The following DTD1 variants were observed in gnomAD, a reference collection of about 807,000 sequenced individuals.
DTD1 encodes D-aminoacyl-tRNA deacylase 1, also known as D-tyrosyl-tRNA deacylase 1 homolog.
Under a neutral mutation model 25.6 loss-of-function variants are expected in DTD1, and 13 were observed. The observed-to-expected ratio is 0.51, with a 90% CI of 0.33 to 0.81. The LOEUF is 0.81. DTD1 is among the 30% of genes least tolerant of loss of function. DTD1 has a pLI of 0.02. For missense variants in DTD1, 193 were observed against 266.4 expected (o/e 0.72, Z 1.92); for synonymous variants, 110 against 103.6 (o/e 1.06, Z -0.37).
At chr20:18,702,629 G>A (rs566685747) in intron 4 of DTD1, among the ~76,000 whole-genome samples, 1 of 151,942 alleles carries the variant, frequency 6.6e-6, no homozygotes, top group Admixed American at 6.6e-5. Flanking sequence ...TGATGTCTCT[G>A]TGTCAGCACC....
At chr20:18,622,662 A>G (rs1024589802) in intron 3 of DTD1, among the ~76,000 whole-genome samples, 1 of 152,200 alleles carries the variant, frequency 6.6e-6, no homozygotes, top group African/African-American at 2.4e-5. Context: ...AAATTTGTCT[A>G]TGCTTTAAAA....
At position 18,662,017 on chromosome 20, in the gene DTD1, T is replaced by C. The variant is rs538433459; in HGVS notation, c.477+33784T>C. Among the ~76,000 whole-genome samples, 58 of 152,144 alleles carry C rather than the reference T, an allele frequency of 3.8e-4. 2 individuals are homozygous for C. The South Asian group carries it at 0.011, about 30-fold the overall frequency. On this transcript the variant is annotated intron_variant, in intron 4 of 5. Coordinates refer to ENST00000377452, the MANE Select transcript of DTD1 (RefSeq NM_080820.6). ...ACATATAAAAATTAGCCAGGCATGG[T>C]GGTACAAGTCTGTAGTCCTAGCTAC...
chr20:18,742,365 C>T (rs954682141), intron 4 of DTD1, among the ~76,000 whole-genome samples: 3 of 152,130 alleles, frequency 2.0e-5, no homozygotes, highest in African/African-American at 4.8e-5. Flanking sequence ...AAGAATAAGC[C>T]AGGGGTCCTC....
intron 4 of DTD1, chr20:18,643,253 C>A: frequency 3.1e-6 from 1 of 327,784 alleles, no homozygotes; most frequent in South Asian, 2.6e-5. Context: ...TCTCTGGAAT[C>A]AATCCCAGGG....
At chr20:18,717,692 C>T (rs1172299261) in intron 4 of DTD1, among the ~76,000 whole-genome samples, 1 of 152,178 alleles carries the variant, frequency 6.6e-6, no homozygotes, top group Non-Finnish European at 1.5e-5. Flanking sequence ...GGTTCATCTT[C>T]TGTAATGGAA....
intron 4 of DTD1, among the ~76,000 whole-genome samples, chr20:18,708,207 T>TACATATATA (rs1371286340): frequency 1.5e-4 from 1 of 6,886 alleles, no homozygotes; most frequent in East Asian, 2.9e-3. Flanking sequence ...ATATATATAT[T>TACATATATA]TTATATATAT....
intron 5 of DTD1, among the ~76,000 whole-genome samples, chr20:18,759,832 T>C (rs1325625283): frequency 6.6e-6 from 1 of 152,234 alleles, no homozygotes; most frequent in African/African-American, 2.4e-5. Context: ...CAGCATGTTT[T>C]CCAACTTGGT....
At chr20:18,756,769 A>G (rs934089360) in intron 5 of DTD1, among the ~76,000 whole-genome samples, 2 of 151,922 alleles carry the variant, frequency 1.3e-5, no homozygotes, top group African/African-American at 4.8e-5. Context: ...TTTTGGTTCC[A>G]TATGAACTTT....
chr20:18,689,631 A>C (rs930420903), intron 4 of DTD1, among the ~76,000 whole-genome samples: 2 of 152,160 alleles, frequency 1.3e-5, no homozygotes, highest in African/African-American at 4.8e-5. Flanking sequence ...TTAAAATTAC[A>C]GTGCATGTGG....
At chr20:18,632,022 AG>A in intron 4 of DTD1, 1 of 842,528 alleles carries the variant, frequency 1.2e-6, no homozygotes, top group Non-Finnish European at 1.4e-6. Flanking sequence ...GAGTAGATTT[AG>A]GAATTCTCAG....
At chr20:18,665,441 A>C (rs1396963591) in intron 4 of DTD1, among the ~76,000 whole-genome samples, 1 of 152,182 alleles carries the variant, frequency 6.6e-6, no homozygotes, top group Non-Finnish European at 1.5e-5. Context: ...CCAGCCGTGG[A>C]GTCAGACCTG....
chr20:18,655,678 C>T (rs1045282467), intron 4 of DTD1, among the ~76,000 whole-genome samples: 4 of 152,188 alleles, frequency 2.6e-5, no homozygotes, highest in Non-Finnish European at 5.9e-5. Flanking sequence ...ACGTCAGGGG[C>T]AATACCTGGG....
At chr20:18,739,392 C>CAG (rs1305007892) in intron 4 of DTD1, among the ~76,000 whole-genome samples, 3 of 152,180 alleles carry the variant, frequency 2.0e-5, no homozygotes, top group Admixed American at 2.0e-4. Context: ...CCAAGCTTCA[C>CAG]TGTGAAAGGT....
At chr20:18,745,935 A>C (rs9917459) in intron 5 of DTD1, among the ~76,000 whole-genome samples, 1 of 152,204 alleles carries the variant, frequency 6.6e-6, no homozygotes, top group Non-Finnish European at 1.5e-5. Flanking sequence ...AGATAGGCCC[A>C]TTAGGAGGTG....
At chr20:18,663,670 C>T (rs948262220) in intron 4 of DTD1, among the ~76,000 whole-genome samples, 6 of 152,112 alleles carry the variant, frequency 3.9e-5, no homozygotes, top group African/African-American at 9.7e-5. Context: ...CATGCCACTA[C>T]GAAGAAATAC....
intron 4 of DTD1, among the ~76,000 whole-genome samples, chr20:18,704,227 C>T (rs1158284656): frequency 6.6e-6 from 1 of 152,084 alleles, no homozygotes; most frequent in Non-Finnish European, 1.5e-5. Flanking sequence ...GTCTCGATCT[C>T]CTGAGCTCGT....
At chr20:18,651,023 AAGACCTGAAAG>A (rs1418343530) in intron 4 of DTD1, among the ~76,000 whole-genome samples, 2 of 152,242 alleles carry the variant, frequency 1.3e-5, no homozygotes, top group Admixed American at 1.3e-4. Context: ...GACTAGATGA[AAGACCTGAAAG>A]AGAACCTGAT....
intron 4 of DTD1, among the ~76,000 whole-genome samples, chr20:18,701,601 GAA>G (rs2122459787): frequency 6.6e-6 from 1 of 152,350 alleles, no homozygotes; most frequent in Non-Finnish European, 1.5e-5. Flanking sequence ...TATGTGAGCT[GAA>G]TGCACCCAGG....
At chr20:18,716,486 T>G (rs1391426352) in intron 4 of DTD1, among the ~76,000 whole-genome samples, 1 of 152,212 alleles carries the variant, frequency 6.6e-6, no homozygotes, top group East Asian at 1.9e-4. Flanking sequence ...CATGGACTTG[T>G]CCAGGGTCTG....
Sources: gnomAD v4.1 joint callset for allele counts (sites outside exome capture counted in the v4.1 genomes callset) on GRCh38, gnomAD v4.1.1 for gene constraint, MANE v1.5 for transcripts, NCBI Gene and HGNC (gene_info 2026-07-23, HGNC 2026-07-21) for gene names.